Variants in RAC1 observed in about 807,000 individuals in gnomAD.
RAC1 encodes the protein ras-related C3 botulinum toxin substrate 1.
In RAC1, 2 loss-of-function variants were observed where a neutral mutation model predicts 25.2. That is an observed-to-expected ratio of 0.08 (90% CI 0.03 to 0.25). The LOEUF is 0.25. RAC1 is among the 10% of genes least tolerant of loss of function. RAC1 has a pLI of 1.00. For missense variants in RAC1, 50 were observed against 235.7 expected, an observed-to-expected ratio of 0.21 and a Z score of 5.16; for synonymous variants, 88 against 94.0, an observed-to-expected ratio of 0.94 and a Z score of 0.37.
intron 1 of RAC1, among the ~76,000 whole-genome samples, chr7:6,381,246 T>G (rs1332931462): frequency 6.6e-6 from 1 of 152,216 alleles, no homozygotes; most frequent in Non-Finnish European, 1.5e-5. Context: ...TCAGCTGGCT[T>G]GTATCAACTA....
intron 4 of RAC1, chr7:6,401,595 C>G (rs774420346): frequency 4.0e-6 from 1 of 252,834 alleles, no homozygotes; most frequent in Non-Finnish European, 7.5e-6. Flanking sequence ...GTTTCTCTTC[C>G]CTTCCCCCCT....
At chr7:6,400,745 G>A (rs1783376013) in intron 4 of RAC1, among the ~76,000 whole-genome samples, 1 of 151,816 alleles carries the variant, frequency 6.6e-6, no homozygotes, top group Non-Finnish European at 1.5e-5. Flanking sequence ...ACGCAATCTT[G>A]GCTCACTGCA....
intron 1 of RAC1, among the ~76,000 whole-genome samples, chr7:6,378,408 T>C (rs953723484): frequency 1.2e-4 from 18 of 151,740 alleles, no homozygotes; most frequent in Middle Eastern, 3.4e-3. Flanking sequence ...TAGCCGGGCG[T>C]GGTGGTGGGC....
intron 2 of RAC1, among the ~76,000 whole-genome samples, chr7:6,390,329 C>CG (rs1783056370): frequency 6.6e-6 from 1 of 151,760 alleles, no homozygotes; most frequent in African/African-American, 2.4e-5. Context: ...TACCCGGGCA[C>CG]GGTGGCTCAC....
intron 4 of RAC1, 42 bp downstream of exon 4, chr7:6,400,230 T>C (rs1440426228): frequency 6.6e-7 from 1 of 1,504,662 alleles, no homozygotes; most frequent in African/African-American, 1.4e-5. Context: ...TATAGAATGA[T>C]CCTCTCAGAA....
intron 1 of RAC1, among the ~76,000 whole-genome samples, chr7:6,375,191 A>C (rs1219759482): frequency 6.6e-6 from 1 of 152,030 alleles, no homozygotes; most frequent in Non-Finnish European, 1.5e-5. Flanking sequence ...CGCGGCGGTC[A>C]AGTCGATCAT....
At chr7:6,393,919 GT>G (rs1783157934) in intron 3 of RAC1, among the ~76,000 whole-genome samples, 1 of 152,204 alleles carries the variant, frequency 6.6e-6, no homozygotes, top group African/African-American at 2.4e-5. Context: ...AGATACCAGT[GT>G]CTGGAAGGTC....
intron 1 of RAC1, among the ~76,000 whole-genome samples, chr7:6,376,468 G>A (rs903278323): frequency 3.4e-5 from 5 of 149,060 alleles, no homozygotes; most frequent in East Asian, 4.0e-4. Context: ...ACAGGCGTAA[G>A]CCACGGCGCC....
chr7:6,389,031 A>C (rs1031588375), intron 2 of RAC1, among the ~76,000 whole-genome samples: 4 of 151,544 alleles, frequency 2.6e-5, no homozygotes, highest in African/African-American at 9.7e-5. Flanking sequence ...TAAAACCCCC[A>C]CCTCTGCTAA....
At chr7:6,391,755 G>A (rs746237161) in intron 2 of RAC1, among the ~76,000 whole-genome samples, 169 bp from the exon 3 acceptor site, 54 of 151,982 alleles carry the variant, frequency 3.6e-4, no homozygotes, top group Non-Finnish European at 4.9e-4. Flanking sequence ...TTTGTTTCCC[G>A]CAAGTTTTGC....
chr7:6,400,665 C>CT (rs1167663954), intron 4 of RAC1, among the ~76,000 whole-genome samples: 13 of 149,900 alleles, frequency 8.7e-5, no homozygotes, highest in African/African-American at 1.2e-4. Flanking sequence ...TTGAGAGAGT[C>CT]TTTTTTTTTG....
intron 1 of RAC1, among the ~76,000 whole-genome samples, chr7:6,379,543 G>A (rs2115184052): frequency 6.6e-6 from 1 of 152,120 alleles, no homozygotes; most frequent in Non-Finnish European, 1.5e-5. Flanking sequence ...AAAAAGTACT[G>A]GGATTACAGG....
intron 1 of RAC1, among the ~76,000 whole-genome samples, chr7:6,378,962 C>T (rs904747413): frequency 2.6e-5 from 4 of 151,884 alleles, no homozygotes; most frequent in South Asian, 4.2e-4. Context: ...TGGTGGGGGG[C>T]GCCTGTAATC....
Position 6,402,300 on chromosome 7 carries a change from G to T in RAC1, c.449-16G>T. 6.3e-7 allele frequency: 1 copy of T among 1,597,074 alleles called. No individual in the cohort carries two copies. The highest frequency in any genetic ancestry group is 8.5e-7 in the Non-Finnish European group (1 of 1,171,508). On this transcript the variant is annotated splice_polypyrimidine_tract_variant and intron_variant, in intron 5 of 5. Transcript: ENST00000348035. ...GGGGTCGAGTGTACATTGCCGTGTG[G>T]TCGTGTTTCCTGTAGGTGCTGTAAA...
At chr7:6,392,559 C>A (rs927872772) in intron 3 of RAC1, among the ~76,000 whole-genome samples, 4 of 152,170 alleles carry the variant, frequency 2.6e-5, no homozygotes, top group African/African-American at 9.7e-5. Context: ...AATGTATCCA[C>A]TGTGTCTAAT....
At chr7:6,390,860 T>A (rs368335974) in intron 2 of RAC1, among the ~76,000 whole-genome samples, 8 of 152,140 alleles carry the variant, frequency 5.3e-5, no homozygotes, top group African/African-American at 1.9e-4. Flanking sequence ...TATGGAAATA[T>A]AATTAACATG....
chr7:6,388,223 C>T lies in RAC1; in HGVS notation c.107+940C>T, dbSNP rs36003817. Among the ~76,000 whole-genome samples the T allele has an allele frequency of 1.8e-3, 268 of 152,162 alleles. 1 individual carries two copies. The highest frequency in any genetic ancestry group is 6.1e-3 in the African/African-American group (252 of 41,504). On this transcript the variant is annotated intron_variant, in intron 2 of 5. Transcript: ENST00000348035. ...CATCCTGCAGCTGCTGTGAGTCCTCCCTGTGCAGGCTGGGGAGGTGTCGCC... is the reference window on the plus strand; with the variant it reads ...CATCCTGCAGCTGCTGTGAGTCCTCTCTGTGCAGGCTGGGGAGGTGTCGCC...
chr7:6,400,017 A>T, intron 3 of RAC1, 109 bp from the exon 4 acceptor site: 1 of 990,706 alleles, frequency 1.0e-6, no homozygotes, highest in Non-Finnish European at 1.6e-6. Context: ...CACCACTGGT[A>T]GACACGCTCT....
At chr7:6,381,758 A>AT (rs1258304378) in intron 1 of RAC1, among the ~76,000 whole-genome samples, 1 of 152,002 alleles carries the variant, frequency 6.6e-6, no homozygotes, top group East Asian at 1.9e-4. Context: ...TCATAATTTT[A>AT]GATTGGGTTT....
Sources: allele counts gnomAD v4.1 joint callset (sites outside exome capture counted in the v4.1 genomes callset), GRCh38; gene constraint gnomAD v4.1.1; transcripts MANE v1.5; gene names NCBI Gene and HGNC (gene_info 2026-07-23, HGNC 2026-07-21).